The following ARB2A variants were observed in gnomAD, a reference collection of about 807,000 sequenced individuals.
The protein encoded by ARB2A is cotranscriptional regulator ARB2A.
the ARB2A span, among the ~76,000 whole-genome samples, chr5:94,029,971 CTT>C: frequency 6.6e-6 from 1 of 152,132 alleles, no homozygotes; most frequent in African/African-American, 2.4e-5. Context: ...CAAGGGGTGT[CTT>C]ACGTGGCAGC....
chr5:94,077,128 A>T, the ARB2A span, among the ~76,000 whole-genome samples: 29 of 152,006 alleles, frequency 1.9e-4, no homozygotes, highest in Middle Eastern at 0.014. Flanking sequence ...TAATCCCAGC[A>T]CTTTCGGAGG....
chr5:93,957,067 C>T, the ARB2A span, among the ~76,000 whole-genome samples: 2 of 152,030 alleles, frequency 1.3e-5, no homozygotes, highest in African/African-American at 2.4e-5. Flanking sequence ...GCTGTTATCC[C>T]CAAAACACTA....
the ARB2A span, among the ~76,000 whole-genome samples, chr5:93,931,916 G>A: frequency 6.6e-6 from 1 of 152,026 alleles, no homozygotes; most frequent in South Asian, 2.1e-4. Context: ...TAATTCAATA[G>A]TAAATTTGGA....
At chr5:93,740,913 T>G in the ARB2A span, 1 of 1,614,014 alleles carries the variant, frequency 6.2e-7, no homozygotes, top group East Asian at 2.2e-5. Context: ...TTCGTCGCTC[T>G]CTGCTTGCCC....
chr5:94,053,022 A>G, the ARB2A span: 7 of 498,156 alleles, frequency 1.4e-5, no homozygotes, highest in African/African-American at 2.0e-5. Flanking sequence ...GTAGCAAATA[A>G]TATCTGTCTT....
the ARB2A span, among the ~76,000 whole-genome samples, chr5:93,817,062 T>C: frequency 6.6e-6 from 1 of 151,324 alleles, no homozygotes; most frequent in Non-Finnish European, 1.5e-5. Flanking sequence ...ATCTTGAATA[T>C]GAAAACTCCT....
chr5:93,889,691 C>A, the ARB2A span, among the ~76,000 whole-genome samples: 1 of 151,780 alleles, frequency 6.6e-6, no homozygotes, highest in Admixed American at 6.6e-5. Context: ...TTTATAATCA[C>A]AAAATGCTAC....
At chr5:93,947,869 G>A in the ARB2A span, among the ~76,000 whole-genome samples, 2 of 151,650 alleles carry the variant, frequency 1.3e-5, no homozygotes, top group African/African-American at 4.8e-5. Context: ...TGGCTGCATA[G>A]TATTCCATGG....
the ARB2A span, among the ~76,000 whole-genome samples, chr5:93,967,981 CAA>C: frequency 1.3e-5 from 2 of 151,866 alleles, no homozygotes; most frequent in African/African-American, 4.8e-5. Flanking sequence ...AGAAAAAAAA[CAA>C]AGACAATAGA....
chr5:93,831,092 C>T, the ARB2A span, among the ~76,000 whole-genome samples: 5 of 152,078 alleles, frequency 3.3e-5, no homozygotes, highest in East Asian at 1.9e-4. Flanking sequence ...GGTGGTAATG[C>T]GAGCAATGGG....
At chr5:94,083,810 A>G in the ARB2A span, among the ~76,000 whole-genome samples, 1 of 151,950 alleles carries the variant, frequency 6.6e-6, no homozygotes, top group Non-Finnish European at 1.5e-5. Context: ...AAGAATCAAA[A>G]AACAAGGTCC....
chr5:93,710,741 A>G, the ARB2A span, among the ~76,000 whole-genome samples: 4 of 152,234 alleles, frequency 2.6e-5, no homozygotes, highest in East Asian at 7.7e-4. Context: ...GTTAAATAAA[A>G]ACAAATGACA....
the ARB2A span, among the ~76,000 whole-genome samples, chr5:94,057,192 A>T: frequency 2.0e-5 from 3 of 152,216 alleles, no homozygotes; most frequent in Non-Finnish European, 4.4e-5. Context: ...AATTCTTTGT[A>T]GTAAATATTT....
chr5:94,058,665 A>G, the ARB2A span, among the ~76,000 whole-genome samples: 1 of 152,244 alleles, frequency 6.6e-6, no homozygotes. Context: ...TGAAGCAGAG[A>G]AAAACAATAG....
the ARB2A span, among the ~76,000 whole-genome samples, chr5:93,640,598 A>G: frequency 6.7e-6 from 1 of 149,864 alleles, no homozygotes; most frequent in African/African-American, 2.5e-5. Context: ...GTGTGTGTGT[A>G]TACATATGTA....
the ARB2A span, among the ~76,000 whole-genome samples, chr5:93,677,103 C>T: frequency 6.6e-6 from 1 of 152,046 alleles, no homozygotes; most frequent in Admixed American, 6.6e-5. Flanking sequence ...CTGCTATTAA[C>T]AACAATGAAA....
the ARB2A span, among the ~76,000 whole-genome samples, chr5:93,974,007 A>C: frequency 3.5e-4 from 53 of 152,354 alleles, no homozygotes; most frequent in East Asian, 9.8e-3. Context: ...CTACCATGCA[A>C]CTAGCTAACG....
chr5:94,082,079 G>C, the ARB2A span, among the ~76,000 whole-genome samples: 1 of 152,148 alleles, frequency 6.6e-6, no homozygotes, highest in Non-Finnish European at 1.5e-5. Context: ...GTATAAAAGA[G>C]GAGCATTATA....
the ARB2A span, among the ~76,000 whole-genome samples, chr5:93,821,010 G>A: frequency 6.6e-5 from 10 of 151,732 alleles, no homozygotes; most frequent in South Asian, 1.9e-3. Context: ...AATGAATATT[G>A]GTTTTGAAAA....
Sources: allele counts gnomAD v4.1 joint callset (sites outside exome capture counted in the v4.1 genomes callset), GRCh38; gene constraint gnomAD v4.1.1; transcripts MANE v1.5; gene names NCBI Gene and HGNC (gene_info 2026-07-23, HGNC 2026-07-21).